The following CNTNAP5 variants were observed in gnomAD, a reference collection of about 807,000 sequenced individuals.
CNTNAP5 encodes contactin-associated protein-like 5.
A neutral mutation model predicts 150.2 loss-of-function variants in CNTNAP5; 72 were observed. The observed-to-expected ratio is 0.48, with a 90% CI of 0.40 to 0.58. CNTNAP5 has a LOEUF of 0.58. Ranked by LOEUF, CNTNAP5 falls within the 20% of genes least tolerant of loss-of-function variation. The pLI, the probability that CNTNAP5 is intolerant of heterozygous loss-of-function variation, is 0.00. For synonymous variants in CNTNAP5, 672 were observed against 619.8 expected, an observed-to-expected ratio of 1.08 and a Z score of -1.25; for missense variants, 1,636 against 1,626.2, an observed-to-expected ratio of 1.01 and a Z score of -0.10.
At chr2:124,509,762 C>T (rs1263587947) in intron 8 of CNTNAP5, among the ~76,000 whole-genome samples, 1 of 152,122 alleles carries the variant, frequency 6.6e-6, no homozygotes, top group Admixed American at 6.6e-5. Flanking sequence ...TATAGATAAT[C>T]TACAGAAGAC....
At chr2:124,610,851 C>T (rs1032671962) in intron 12 of CNTNAP5, among the ~76,000 whole-genome samples, 3 of 151,750 alleles carry the variant, frequency 2.0e-5, no homozygotes, top group South Asian at 2.1e-4. Context: ...CAACTACTCC[C>T]GAGGCTGAGG....
At chr2:124,523,601 C>T (rs1259741265) in intron 8 of CNTNAP5, among the ~76,000 whole-genome samples, 1 of 152,132 alleles carries the variant, frequency 6.6e-6, no homozygotes, top group African/African-American at 2.4e-5. Context: ...ACAAAAGCAC[C>T]CACCTTTCTC....
intron 1 of CNTNAP5, among the ~76,000 whole-genome samples, chr2:124,177,675 G>A (rs139450057): frequency 1.3e-4 from 20 of 152,198 alleles, no homozygotes; most frequent in Admixed American, 3.9e-4. Context: ...CTGTGTGTGC[G>A]CACGCACACA....
At chr2:124,160,354 T>C (rs1333611745) in intron 1 of CNTNAP5, among the ~76,000 whole-genome samples, 1 of 152,118 alleles carries the variant, frequency 6.6e-6, no homozygotes, top group Non-Finnish European at 1.5e-5. Context: ...AAGACTAATA[T>C]TCCCATCATG....
At chr2:124,659,513 A>G (rs1398007864) in intron 13 of CNTNAP5, among the ~76,000 whole-genome samples, 1 of 152,214 alleles carries the variant, frequency 6.6e-6, no homozygotes, top group Non-Finnish European at 1.5e-5. Flanking sequence ...AGGTAATCTG[A>G]ATCTGCATTT....
At chr2:124,800,734 C>T (rs142050516) in intron 19 of CNTNAP5, among the ~76,000 whole-genome samples, 1 of 152,284 alleles carries the variant, frequency 6.6e-6, no homozygotes, top group African/African-American at 2.4e-5. Flanking sequence ...TAGGCATCTG[C>T]ATGTTTTAAA....
chr2:124,175,707 T>C (rs1173770756), intron 1 of CNTNAP5, among the ~76,000 whole-genome samples: 1 of 152,228 alleles, frequency 6.6e-6, no homozygotes, highest in Non-Finnish European at 1.5e-5. Context: ...CCCATGTTAA[T>C]TTGCTTAAGA....
At chr2:124,735,577 A>T (rs1680365477) in intron 13 of CNTNAP5, among the ~76,000 whole-genome samples, 1 of 152,294 alleles carries the variant, frequency 6.6e-6, no homozygotes, top group East Asian at 1.9e-4. Context: ...CAATGTAATG[A>T]TTATTTGATT....
At chr2:124,861,536 C>T (rs1558804333) in intron 19 of CNTNAP5, among the ~76,000 whole-genome samples, 3 of 151,866 alleles carry the variant, frequency 2.0e-5, no homozygotes, top group South Asian at 2.1e-4. Context: ...TGCAGTGAGC[C>T]GAGATCACGC....
chr2:124,238,559 T>A (rs1686808368), intron 2 of CNTNAP5, among the ~76,000 whole-genome samples: 1 of 152,216 alleles, frequency 6.6e-6, no homozygotes, highest in South Asian at 2.1e-4. Flanking sequence ...TATTTTCTCT[T>A]TAAATGCAAG....
chr2:124,727,211 A>G (rs1227330634), intron 13 of CNTNAP5, among the ~76,000 whole-genome samples: 1 of 152,056 alleles, frequency 6.6e-6, no homozygotes, highest in Non-Finnish European at 1.5e-5. Flanking sequence ...CTTTTATGAT[A>G]GTACCATATT....
chr2:124,047,706 C>T (rs1380727169), intron 1 of CNTNAP5, among the ~76,000 whole-genome samples: 1 of 152,224 alleles, frequency 6.6e-6, no homozygotes, highest in East Asian at 1.9e-4. Flanking sequence ...CAGTCAGTGA[C>T]TCAGCTGTAA....
At chr2:124,479,159 C>T (rs560755461) in intron 7 of CNTNAP5, among the ~76,000 whole-genome samples, 102 of 152,250 alleles carry the variant, frequency 6.7e-4, no homozygotes, top group African/African-American at 2.4e-3. Flanking sequence ...TATGCTAATA[C>T]AGCACTATAT....
intron 1 of CNTNAP5, among the ~76,000 whole-genome samples, chr2:124,127,602 G>A (rs1414961520): frequency 6.6e-6 from 1 of 152,098 alleles, no homozygotes. Context: ...ACATTGCCAA[G>A]AAAATCCTAA....
intron 1 of CNTNAP5, among the ~76,000 whole-genome samples, chr2:124,218,351 T>G (rs200074563): frequency 6.6e-6 from 1 of 152,270 alleles, no homozygotes; most frequent in East Asian, 1.9e-4. Flanking sequence ...GTAAGCGAGG[T>G]TGCCAAAGTG....
intron 1 of CNTNAP5, among the ~76,000 whole-genome samples, chr2:124,096,770 C>G (rs1682943450): frequency 6.6e-6 from 1 of 152,086 alleles, no homozygotes; most frequent in Non-Finnish European, 1.5e-5. Context: ...GTGGCATGAT[C>G]TTGACTCACT....
At chr2:124,391,665 A>G in intron 3 of CNTNAP5, among the ~76,000 whole-genome samples, 1 of 152,236 alleles carries the variant, frequency 6.6e-6, no homozygotes. Context: ...CCGCAAAAAA[A>G]GAAAGGGAGG....
At chr2:124,521,835 A>T (rs1042261384) in intron 8 of CNTNAP5, among the ~76,000 whole-genome samples, 1 of 152,178 alleles carries the variant, frequency 6.6e-6, no homozygotes, top group Admixed American at 6.5e-5. Context: ...GAAAGAAGTC[A>T]AATGTTCACC....
chr2:124,631,190 C>A (rs1558712162), intron 12 of CNTNAP5, among the ~76,000 whole-genome samples: 2 of 152,056 alleles, frequency 1.3e-5, no homozygotes, highest in Non-Finnish European at 2.9e-5. Context: ...CATTAAACTA[C>A]CATTGACGTT....
Sources: gnomAD v4.1 joint callset for allele counts (sites outside exome capture counted in the v4.1 genomes callset) on GRCh38, gnomAD v4.1.1 for gene constraint, MANE v1.5 for transcripts, NCBI Gene and HGNC (gene_info 2026-07-23, HGNC 2026-07-21) for gene names.